ELAPOR2: variants seen among roughly 807,000 people sequenced by gnomAD.
The protein encoded by ELAPOR2 is endosome/lysosome-associated apoptosis and autophagy regulator family member 2.
ELAPOR2 carries 89 observed loss-of-function variants against 120.7 expected under a neutral mutation model. The observed-to-expected ratio is 0.74, with a 90% CI of 0.62 to 0.88. The LOEUF is 0.88. Among genes scored for constraint, ELAPOR2 ranks in the 40% least tolerant of loss-of-function variants. ELAPOR2 has a pLI of 0.00. For missense variants in ELAPOR2, 1,134 were observed against 1,251.6 expected (o/e 0.91, Z 1.42); for synonymous variants, 444 against 444.9 (o/e 1.00, Z 0.03).
chr7:86,978,198 C>G (rs1792344610), intron 1 of ELAPOR2, among the ~76,000 whole-genome samples: 1 of 152,166 alleles, frequency 6.6e-6, no homozygotes, highest in Non-Finnish European at 1.5e-5. Flanking sequence ...TGCTTGCAGT[C>G]ATTGTCTCTC....
At chr7:87,051,248 C>T (rs760230917) in intron 1 of ELAPOR2, among the ~76,000 whole-genome samples, 11 of 145,202 alleles carry the variant, frequency 7.6e-5, no homozygotes, top group Non-Finnish European at 1.4e-4. Context: ...AGAGAGATTA[C>T]AATGGATTAA....
At chr7:87,008,973 T>C (rs1168117588) in intron 1 of ELAPOR2, among the ~76,000 whole-genome samples, 1 of 152,040 alleles carries the variant, frequency 6.6e-6, no homozygotes, top group Non-Finnish European at 1.5e-5. Flanking sequence ...TGGAAAACAA[T>C]ACATAAGAAA....
chr7:86,914,635 C>G (rs1173976214), intron 13 of ELAPOR2, 88 bp downstream of exon 13: 20 of 1,129,872 alleles, frequency 1.8e-5, no homozygotes, highest in Non-Finnish European at 2.2e-5. Context: ...TCCTTTCTTC[C>G]AAATTTGAGT....
At chr7:86,904,467 A>G (rs2115989307) in intron 18 of ELAPOR2, among the ~76,000 whole-genome samples, 1 of 152,336 alleles carries the variant, frequency 6.6e-6, no homozygotes, top group South Asian at 2.1e-4. Flanking sequence ...TTCTCTGCTC[A>G]AGGTGCAAAC....
chr7:86,990,302 C>G (rs532186207), intron 1 of ELAPOR2, among the ~76,000 whole-genome samples: 1 of 152,190 alleles, frequency 6.6e-6, no homozygotes, highest in South Asian at 2.1e-4. Context: ...CCTGCCTCGG[C>G]CTCCCAAAGT....
chr7:86,979,498 A>G (rs1792388544), intron 1 of ELAPOR2, among the ~76,000 whole-genome samples: 3 of 152,204 alleles, frequency 2.0e-5, no homozygotes, highest in African/African-American at 7.2e-5. Flanking sequence ...ATAATAGGAA[A>G]TGAGACACCA....
At chr7:86,941,247 G>T in intron 5 of ELAPOR2, 1 of 483,212 alleles carries the variant, frequency 2.1e-6, no homozygotes, top group African/African-American at 2.0e-5. Context: ...TAAGCAAATT[G>T]CCTAAAGAAA....
intron 1 of ELAPOR2, among the ~76,000 whole-genome samples, chr7:87,049,248 G>A (rs1270915115): frequency 6.6e-6 from 1 of 151,726 alleles, no homozygotes; most frequent in African/African-American, 2.4e-5. Flanking sequence ...AGCATGAAAT[G>A]TAGATTGAGA....
chr7:86,993,246 A>AAAAAAAAAAAAAAAAAAAAAAAG (rs796528835), intron 1 of ELAPOR2, among the ~76,000 whole-genome samples: 1 of 143,988 alleles, frequency 6.9e-6, no homozygotes, highest in Non-Finnish European at 1.5e-5. Flanking sequence ...AAAAAAAAAA[A>AAAAAAAAAAAAAAAAAAAAAAAG]AAAAGAAAAA....
intron 2 of ELAPOR2, among the ~76,000 whole-genome samples, chr7:86,958,815 T>A (rs974632953): frequency 1.3e-4 from 20 of 152,358 alleles, no homozygotes; most frequent in South Asian, 4.1e-4. Context: ...CTTTGGCTAT[T>A]CAGAATCTTT....
chr7:87,012,166 C>T (rs975432272), intron 1 of ELAPOR2, among the ~76,000 whole-genome samples: 2 of 152,186 alleles, frequency 1.3e-5, no homozygotes, highest in African/African-American at 4.8e-5. Flanking sequence ...AATCCCAGCA[C>T]TTCGGGAGGC....
At chr7:87,024,275 C>G (rs143367536) in intron 1 of ELAPOR2, among the ~76,000 whole-genome samples, 1,642 of 152,042 alleles carry the variant, frequency 0.011, 26 homozygotes, top group African/African-American at 0.035. Context: ...TAGCATGAAG[C>G]GTTGTTGAAT....
At chr7:86,881,304 C>T (rs958754259) in intron 21 of ELAPOR2, among the ~76,000 whole-genome samples, 3 of 151,878 alleles carry the variant, frequency 2.0e-5, no homozygotes, top group African/African-American at 4.8e-5. Flanking sequence ...TCAAGTAATC[C>T]TCCCACCTCA....
At chr7:86,968,487 T>C (rs1204420761) in intron 1 of ELAPOR2, among the ~76,000 whole-genome samples, 1 of 152,086 alleles carries the variant, frequency 6.6e-6, no homozygotes, top group Non-Finnish European at 1.5e-5. Flanking sequence ...ATCCAGAGGG[T>C]AATAATCAAT....
Position 86,899,781 on chromosome 7 carries a change from G to A in ELAPOR2, c.2559-2149C>T, listed in dbSNP as rs142633090. ...AACTGAGGCCCTATGCCATATGTCAGGGCTAAGAACAATGACAAATAGTGA... is the reference window on the plus strand; with the variant it reads ...AACTGAGGCCCTATGCCATATGTCAAGGCTAAGAACAATGACAAATAGTGA... On this transcript the variant is annotated intron_variant, in intron 18 of 21. Coordinates refer to ENST00000450689, the MANE Select transcript of ELAPOR2 (RefSeq NM_001142749.3). Among the ~76,000 whole-genome samples the A allele has an allele frequency of 6.4e-3, 979 of 152,076 alleles. 7 individuals are homozygous for A. The highest frequency in any genetic ancestry group is 0.026 in the South Asian group (123 of 4,816).
Position 87,059,308 on chromosome 7 carries a change from G to T in ELAPOR2, c.189+17C>A. The stretch of plus-strand genomic sequence containing the variant: ...CTCCCCCAGCAAACTCCAGGTAGAG[G>T]ACCAGGTGCTGCTCACCTCCTGGCA... On this transcript the variant is annotated intron_variant, in intron 1 of 21. Coordinates refer to ENST00000450689, the MANE Select transcript of ELAPOR2 (RefSeq NM_001142749.3). 1 of 1,248,096 alleles carries T rather than the reference G, an allele frequency of 8.0e-7. No homozygotes were observed. Among genetic ancestry groups the T allele is most frequent in the South Asian group, 4.1e-5 (1 of 24,382 alleles). 77.3% of individuals were successfully genotyped at this position (1,248,096 alleles called of 1,614,324 possible). A position where few individuals can be genotyped will look rare whatever the true frequency, so the allele number is the denominator to read the frequency against.
At chr7:87,040,707 TCTC>T (rs1416639018) in intron 1 of ELAPOR2, among the ~76,000 whole-genome samples, 5 of 152,216 alleles carry the variant, frequency 3.3e-5, no homozygotes, top group African/African-American at 1.2e-4. Context: ...GCAGAGCGCC[TCTC>T]CTCCTCCAAA....
intron 1 of ELAPOR2, among the ~76,000 whole-genome samples, chr7:87,030,335 C>T (rs1166587154): frequency 2.0e-5 from 3 of 151,878 alleles, no homozygotes; most frequent in Non-Finnish European, 4.4e-5. Flanking sequence ...AAAACATAAG[C>T]GTCCTCAAAA....
In ELAPOR2 at chr7:86,892,608, C is replaced by T. The variant is rs143326146; in HGVS notation, c.2864+314G>A. 6.3e-3 allele frequency among the ~76,000 whole-genome samples: 960 copies of T among 152,120 alleles called. 14 individuals carry two copies. Among genetic ancestry groups the T allele is most frequent in the Non-Finnish European group, 5.9e-3 (400 of 67,958 alleles). Reference sequence around the variant, plus strand: ...ATATCATTTTTAAAAAAGGCAGACACTGAGAGAATACCTGCCTTCCAAATC... The same window carrying T: ...ATATCATTTTTAAAAAAGGCAGACATTGAGAGAATACCTGCCTTCCAAATC... On this transcript the variant is annotated intron_variant, in intron 20 of 21. Coordinates refer to ENST00000450689, the MANE Select transcript of ELAPOR2 (RefSeq NM_001142749.3).
Sources: allele counts gnomAD v4.1 joint callset (sites outside exome capture counted in the v4.1 genomes callset), GRCh38; gene constraint gnomAD v4.1.1; transcripts MANE v1.5; gene names NCBI Gene and HGNC (gene_info 2026-07-23, HGNC 2026-07-21).